Variants in TMEM17 observed in about 807,000 individuals in gnomAD.
TMEM17 encodes the protein transmembrane protein 17.
Under a neutral mutation model 19.1 loss-of-function variants are expected in TMEM17, and 15 were observed. That is an observed-to-expected ratio of 0.78 (90% CI 0.52 to 1.21). TMEM17 has a LOEUF of 1.21. Among genes scored for constraint, TMEM17 ranks in the 50% most tolerant of loss-of-function variants. TMEM17 has a pLI of 0.00. For synonymous variants in TMEM17, 103 were observed against 86.9 expected (o/e 1.19, Z -1.03); for missense variants, 245 against 242.3 (o/e 1.01, Z -0.07).
At chr2:62,499,629 C>T (rs928140543), downstream of TMEM17, among the ~76,000 whole-genome samples, 1 of 152,132 alleles carries the variant, frequency 6.6e-6, no homozygotes, top group Non-Finnish European at 1.5e-5. Context: ...GAAGTAAAGA[C>T]ATTTTTTGAA....
At chr2:62,470,457 G>A in the TMEM17 span, among the ~76,000 whole-genome samples, 1 of 152,236 alleles carries the variant, frequency 6.6e-6, no homozygotes, top group Non-Finnish European at 1.5e-5. Flanking sequence ...AAACATTCAT[G>A]AGCAGATTTG....
the TMEM17 span, among the ~76,000 whole-genome samples, chr2:62,472,128 G>A: frequency 0.021 from 3,161 of 152,312 alleles, 40 homozygotes; most frequent in Non-Finnish European, 0.03. Flanking sequence ...GAGGAATTTC[G>A]AGTTCTTTTT....
chr2:62,504,442 T>C (rs1163618993), intron 1 of TMEM17, among the ~76,000 whole-genome samples: 1 of 152,196 alleles, frequency 6.6e-6, no homozygotes, highest in African/African-American at 2.4e-5. Flanking sequence ...AAGCTGAACA[T>C]TTCAGTACCT....
downstream of TMEM17, among the ~76,000 whole-genome samples, chr2:62,499,323 C>T (rs78390230): frequency 1.4e-4 from 21 of 152,142 alleles, 1 homozygote; most frequent in East Asian, 3.9e-3. Context: ...CTCCATCATC[C>T]CCTAATTTAT....
chr2:62,486,003 A>G, the TMEM17 span, among the ~76,000 whole-genome samples: 1 of 152,164 alleles, frequency 6.6e-6, no homozygotes, highest in African/African-American at 2.4e-5. Flanking sequence ...AGCAGACCAG[A>G]TGCTTTGCCA....
rs746198139 is a variant in TMEM17, at chr2:62,502,456, A to T, written c.299T>A (p.Val100Glu). 1 of 1,610,060 alleles carries T rather than the reference A, an allele frequency of 6.2e-7. No individual in the cohort carries two copies. The highest frequency in any genetic ancestry group is 1.1e-5 in the South Asian group (1 of 90,968). Residue 100 changes from valine to glutamate, a missense_variant, in exon 3 of 4, where the codon GTG becomes GAG. Val to Glu is a moderately radical substitution (Grantham distance 121). Transcript: ENST00000335390. ...IEAIRLYLGY[V>E]GNLQEKVPEL... is the part of the protein sequence containing the mutation. ...GCTTACCTTCTCCTGTAGGTTACCC[A>T]CGTAGCCCAGATACAACCGGATGGC...
At chr2:62,455,004 C>T in the TMEM17 span, among the ~76,000 whole-genome samples, 21 of 152,242 alleles carry the variant, frequency 1.4e-4, no homozygotes, top group African/African-American at 2.9e-4. Flanking sequence ...TGTGCCCAGC[C>T]GAGACCCAGC....
chr2:62,480,561 G>A, the TMEM17 span, among the ~76,000 whole-genome samples: 1 of 152,076 alleles, frequency 6.6e-6, no homozygotes, highest in Non-Finnish European at 1.5e-5. Context: ...TTTAGATTTA[G>A]GTCTCAGATC....
chr2:62,502,879 CTATAA>C, intron 1 of TMEM17, 85 bp from the exon 2 acceptor site: 1 of 735,550 alleles, frequency 1.4e-6, no homozygotes, highest in Non-Finnish European at 2.0e-6. Flanking sequence ...GAATTAATAA[CTATAA>C]TATTGGCTCA....
chr2:62,454,356 T>C, the TMEM17 span, among the ~76,000 whole-genome samples: 1 of 152,198 alleles, frequency 6.6e-6, no homozygotes, highest in Non-Finnish European at 1.5e-5. Context: ...TTTGTGTGAA[T>C]CGTGGCTGCA....
chr2:62,466,814 A>G, the TMEM17 span, among the ~76,000 whole-genome samples: 32,614 of 152,042 alleles, frequency 0.21, 3,692 homozygotes, highest in Admixed American at 0.29. Flanking sequence ...TTGACTTGCT[A>G]TGTTTGGTGG....
At chr2:62,461,525 G>T in the TMEM17 span, among the ~76,000 whole-genome samples, 1 of 152,194 alleles carries the variant, frequency 6.6e-6, no homozygotes, top group Non-Finnish European at 1.5e-5. Context: ...GAAAATAGCT[G>T]TCTTCCTCTC....
At chr2:62,475,833 C>A in the TMEM17 span, among the ~76,000 whole-genome samples, 6 of 152,198 alleles carry the variant, frequency 3.9e-5, no homozygotes, top group African/African-American at 1.2e-4. Flanking sequence ...ACTACACTTG[C>A]GGCTGTGCAG....
chr2:62,474,754 C>T, the TMEM17 span, among the ~76,000 whole-genome samples: 2 of 152,094 alleles, frequency 1.3e-5, no homozygotes, highest in African/African-American at 4.8e-5. Context: ...ACCCTAAACC[C>T]ATATCCCCAG....
chr2:62,473,967 A>G, the TMEM17 span, among the ~76,000 whole-genome samples: 10 of 152,096 alleles, frequency 6.6e-5, no homozygotes, highest in African/African-American at 2.4e-4. Flanking sequence ...CAGAGACGAG[A>G]AGGACTCTGC....
the TMEM17 span, among the ~76,000 whole-genome samples, chr2:62,484,146 A>G: frequency 1.3e-5 from 2 of 152,194 alleles, no homozygotes; most frequent in South Asian, 2.1e-4. Context: ...TCATTTCCCA[A>G]TGATTTGGTT....
the TMEM17 span, among the ~76,000 whole-genome samples, chr2:62,454,697 A>G: frequency 6.6e-6 from 1 of 152,174 alleles, no homozygotes; most frequent in African/African-American, 2.4e-5. Flanking sequence ...TTATTTATTT[A>G]TGTATGTATT....
rs1241249492 is a variant in TMEM17 at position 62,501,297 on chromosome 2, G to C, written c.509C>G (p.Ala170Gly). 6.2e-7 allele frequency: 1 copy of C among 1,614,050 alleles called. No homozygotes were observed. The highest frequency in any genetic ancestry group is 8.5e-7 in the Non-Finnish European group (1 of 1,180,026). The change falls in exon 4 of 4, where the codon GCA becomes GGA. Residue 170 changes from alanine (A) to glycine (G), a missense_variant. By Grantham distance (60) the Ala-to-Gly change is moderately conservative. Transcript: ENST00000335390. Reference protein sequence around the residue: ...LTLRKMVNQLAVRFHLQDFDR... With the variant: ...LTLRKMVNQLGVRFHLQDFDR... The stretch of plus-strand genomic sequence containing the variant: ...AAAGTCTTGGAGGTGGAAACGAACT[G>C]CCAACTGATTAACCATTTTCCTTAA...
At chr2:62,498,964 A>G (rs184678236), downstream of TMEM17, among the ~76,000 whole-genome samples, 36 of 152,278 alleles carry the variant, frequency 2.4e-4, 1 homozygote, top group South Asian at 8.3e-4. Flanking sequence ...TCATATACTT[A>G]TATAGGGAAC....
Sources: allele counts gnomAD v4.1 joint callset (sites outside exome capture counted in the v4.1 genomes callset), GRCh38; gene constraint gnomAD v4.1.1; transcripts MANE v1.5; gene names NCBI Gene and HGNC (gene_info 2026-07-23, HGNC 2026-07-21).